The following COL11A1 variants were observed in gnomAD, a reference collection of about 807,000 sequenced individuals.
COL11A1 encodes the protein collagen type XI alpha 1 chain.
Under a neutral mutation model 265.2 loss-of-function variants are expected in COL11A1, and 74 were observed. That is an observed-to-expected ratio of 0.28 (90% confidence interval 0.23 to 0.34). The LOEUF is 0.34. Ranked by LOEUF, COL11A1 falls within the 10% of genes least tolerant of loss-of-function variation. The pLI is 1.00. For missense variants in COL11A1, 2,165 were observed against 2,263.6 expected (o/e 0.96, Z 0.88); for synonymous variants, 816 against 727.6 (o/e 1.12, Z -1.96).
intron 1 of COL11A1, among the ~76,000 whole-genome samples, chr1:103,102,530 A>G (rs1674361453): frequency 6.6e-6 from 1 of 152,086 alleles, no homozygotes; most frequent in Admixed American, 6.6e-5. Context: ...GTGAAGGAGT[A>G]AAAGCAGAAA....
intron 4 of COL11A1, among the ~76,000 whole-genome samples, chr1:103,038,329 G>C (rs551673274): frequency 1.3e-4 from 20 of 152,030 alleles, no homozygotes; most frequent in Non-Finnish European, 2.9e-4. Flanking sequence ...GCTGGGCATG[G>C]TGGCGCATGC....
chr1:103,079,508 A>G (rs565215737), intron 2 of COL11A1, among the ~76,000 whole-genome samples: 14 of 152,152 alleles, frequency 9.2e-5, no homozygotes, highest in African/African-American at 2.6e-4. Flanking sequence ...AATATCTAGC[A>G]TACAGTCTGA....
intron 54 of COL11A1, among the ~76,000 whole-genome samples, chr1:102,900,424 A>G (rs765263803): frequency 2.6e-5 from 4 of 152,122 alleles, no homozygotes; most frequent in African/African-American, 9.7e-5. Flanking sequence ...AACATATGCA[A>G]AGTAGATACA....
chr1:103,010,657 T>C (rs549911386), intron 14 of COL11A1, among the ~76,000 whole-genome samples: 2 of 152,298 alleles, frequency 1.3e-5, no homozygotes, highest in East Asian at 3.9e-4. Flanking sequence ...AAATGAAATT[T>C]ATTTGAATAA....
intron 4 of COL11A1, among the ~76,000 whole-genome samples, chr1:103,059,262 C>T (rs1330301552): frequency 6.6e-6 from 1 of 152,108 alleles, no homozygotes; most frequent in African/African-American, 2.4e-5. Flanking sequence ...CCACCTTCAG[C>T]CATCCTGTTC....
chr1:102,881,807 T>G (rs1471248231), intron 64 of COL11A1, 42 bp from the exon 65 acceptor site: 2 of 1,442,458 alleles, frequency 1.4e-6, no homozygotes, highest in South Asian at 1.1e-5. Context: ...AGGTGAAAAT[T>G]TACAATATAA....
chr1:103,078,501 G>A (rs956653190), intron 3 of COL11A1, among the ~76,000 whole-genome samples, 157 bp downstream of exon 3: 3 of 151,772 alleles, frequency 2.0e-5, no homozygotes, highest in Admixed American at 2.0e-4. Context: ...TTGTTTCCCT[G>A]TACACACTAT....
intron 41 of COL11A1, among the ~76,000 whole-genome samples, chr1:102,957,740 G>T (rs1222810261): frequency 6.6e-6 from 1 of 151,986 alleles, no homozygotes; most frequent in Non-Finnish European, 1.5e-5. Flanking sequence ...ACTTGAAAAT[G>T]AGTTTATGTA....
At chr1:102,970,782 G>T (rs1173901878) in intron 36 of COL11A1, among the ~76,000 whole-genome samples, 3 of 152,050 alleles carry the variant, frequency 2.0e-5, no homozygotes, top group African/African-American at 7.2e-5. Context: ...TTGGGAGGTC[G>T]AGGCGGGAGG....
chr1:103,064,689 C>CAAAA (rs35774967), intron 4 of COL11A1, among the ~76,000 whole-genome samples: 1 of 42,846 alleles, frequency 2.3e-5, no homozygotes, highest in African/African-American at 8.4e-5. Flanking sequence ...GACTCCATCT[C>CAAAA]AAAAAAAAAA....
chr1:102,964,212 T>C (rs967680382), intron 38 of COL11A1, among the ~76,000 whole-genome samples: 26 of 152,328 alleles, frequency 1.7e-4, no homozygotes, highest in African/African-American at 6.3e-4. Context: ...ATGTTTATAT[T>C]TTAGTTAAGA....
At chr1:102,887,601 C>T (rs899963558) in intron 62 of COL11A1, among the ~76,000 whole-genome samples, 5 of 152,042 alleles carry the variant, frequency 3.3e-5, no homozygotes, top group Admixed American at 6.5e-5. Flanking sequence ...ATTTACATTA[C>T]GAGCAGAGCT....
chr1:102,954,919 A>G (rs1254562640), intron 41 of COL11A1, among the ~76,000 whole-genome samples: 1 of 152,148 alleles, frequency 6.6e-6, no homozygotes, highest in African/African-American at 2.4e-5. Flanking sequence ...TACATGACAT[A>G]CATTTTAGAT....
At chr1:103,081,255 A>C (rs190690378) in intron 2 of COL11A1, among the ~76,000 whole-genome samples, 152 of 152,004 alleles carry the variant, frequency 1.0e-3, no homozygotes, top group African/African-American at 3.6e-3. Flanking sequence ...AATGAGCTAA[A>C]GTATAAAAAT....
chr1:102,928,919 T>A (rs1656996297), intron 46 of COL11A1, among the ~76,000 whole-genome samples: 1 of 52,784 alleles, frequency 1.9e-5, no homozygotes, highest in Non-Finnish European at 6.7e-5. Flanking sequence ...GTTCATGTCC[T>A]TTGCCCACTT....
intron 14 of COL11A1, 129 bp downstream of exon 14, chr1:103,012,284 A>G: frequency 2.9e-6 from 2 of 700,698 alleles, no homozygotes; most frequent in Non-Finnish European, 5.1e-6. Flanking sequence ...TTTAATGGAA[A>G]CAACAGCAAG....
intron 1 of COL11A1, among the ~76,000 whole-genome samples, chr1:103,090,747 A>T (rs986004854): frequency 6.6e-6 from 1 of 152,198 alleles, no homozygotes; most frequent in African/African-American, 2.4e-5. Flanking sequence ...TTCCATGAAA[A>T]TGTCTACCTT....
At chr1:102,915,485 AG>A (rs1452236646) in intron 50 of COL11A1, 145 bp downstream of exon 50, 18 of 741,084 alleles carry the variant, frequency 2.4e-5, no homozygotes, top group Non-Finnish European at 4.2e-5. Context: ...TTATTAAACA[AG>A]GCTTTGTATT....
chr1:102,976,985 AG>A (rs2101667066), intron 35 of COL11A1, among the ~76,000 whole-genome samples: 2 of 152,252 alleles, frequency 1.3e-5, no homozygotes, highest in South Asian at 4.1e-4. Context: ...CTTTAATAAA[AG>A]TTTATGTATA....
Sources: gnomAD v4.1 joint callset for allele counts (sites outside exome capture counted in the v4.1 genomes callset) on GRCh38, gnomAD v4.1.1 for gene constraint, MANE v1.5 for transcripts, NCBI Gene and HGNC (gene_info 2026-07-23, HGNC 2026-07-21) for gene names.